Variants in PDCL2 observed in about 807,000 individuals in gnomAD.
PDCL2 encodes phosducin like 2, also known as phosducin-like protein 2.
Under a neutral mutation model 30.3 loss-of-function variants are expected in PDCL2, and 23 were observed. The ratio of observed to expected loss-of-function variants is 0.76; its 90% CI spans 0.55 to 1.08. The LOEUF (loss-of-function observed/expected upper bound fraction) is 1.08, where lower values mean the gene tolerates loss of function less well. Ranked by LOEUF, PDCL2 falls within the 50% of genes least tolerant of loss-of-function variation. The pLI is 0.00. For missense variants in PDCL2, 243 were observed against 282.3 expected (o/e 0.86, Z 1.00); for synonymous variants, 68 against 86.2 (o/e 0.79, Z 1.17).
chr4:55,589,395 CACT>C (rs1166333226), intron 1 of PDCL2, among the ~76,000 whole-genome samples: 1 of 152,154 alleles, frequency 6.6e-6, no homozygotes, highest in Non-Finnish European at 1.5e-5. Flanking sequence ...TATTTGAGAG[CACT>C]ACAATATATA....
intron 1 of PDCL2, among the ~76,000 whole-genome samples, chr4:55,585,907 G>A (rs1275859591): frequency 6.6e-6 from 1 of 152,010 alleles, no homozygotes; most frequent in Non-Finnish European, 1.5e-5. Context: ...TTTTGTTTCT[G>A]ATTTTATCTG....
intron 2 of PDCL2, 105 bp from the exon 3 acceptor site, chr4:55,581,016 C>T: frequency 1.4e-6 from 1 of 716,136 alleles, no homozygotes; most frequent in South Asian, 2.7e-5. Context: ...TCAACAGTAT[C>T]TTTAAACAGC....
chr4:55,592,217 CCGG>C lies in PDCL2; in HGVS notation c.-111_-109del. 6.6e-7 allele frequency: 1 copy of C among 1,515,226 alleles called. No individual in the cohort carries two copies. The highest frequency in any genetic ancestry group is 8.9e-7 in the Non-Finnish European group (1 of 1,119,966). 93.9% of individuals were successfully genotyped at this position (1,515,226 alleles called of 1,614,324 possible). A position where few individuals can be genotyped will look rare whatever the true frequency, so the allele number is the denominator to read the frequency against. Reference sequence around the variant, plus strand: ...GGCTGGAAGAGCGCCCGCTTCAGGCCCGGCGGTTTCGAGTGACCGCCAGAAGAG... The same window carrying C: ...GGCTGGAAGAGCGCCCGCTTCAGGCCCGGTTTCGAGTGACCGCCAGAAGAG... On this transcript the variant is annotated 5_prime_UTR_variant, in exon 1 of 6. Coordinates refer to ENST00000295645, the MANE Select transcript of PDCL2 (RefSeq NM_152401.3).
At chr4:55,564,122 C>T (rs1213116518) in intron 4 of PDCL2, among the ~76,000 whole-genome samples, 2 of 152,154 alleles carry the variant, frequency 1.3e-5, no homozygotes, top group African/African-American at 4.8e-5. Context: ...GTTTTGATTT[C>T]CTTCAAGGTG....
At chr4:55,582,960 T>C (rs923726271) in intron 1 of PDCL2, among the ~76,000 whole-genome samples, 2 of 152,042 alleles carry the variant, frequency 1.3e-5, no homozygotes, top group East Asian at 1.9e-4. Context: ...GGCTGCATAG[T>C]ATTCCCTTTT....
chr4:55,570,887 T>C (rs1732404306), intron 3 of PDCL2, among the ~76,000 whole-genome samples: 1 of 152,266 alleles, frequency 6.6e-6, no homozygotes, highest in Non-Finnish European at 1.5e-5. Flanking sequence ...GTATTAACCA[T>C]ATTTTCTTAT....
chr4:55,564,633 T>C (rs1219629047), intron 4 of PDCL2, among the ~76,000 whole-genome samples: 11 of 152,162 alleles, frequency 7.2e-5, no homozygotes, highest in African/African-American at 2.2e-4. Flanking sequence ...AGCTAAATCA[T>C]TGGGCTTACT....
At chr4:55,581,369 T>C (rs1029478191) in intron 2 of PDCL2, among the ~76,000 whole-genome samples, 11 of 152,028 alleles carry the variant, frequency 7.2e-5, no homozygotes, top group African/African-American at 2.7e-4. Context: ...ATAAATATTA[T>C]AGAAAGTATA....
chr4:55,558,893 C>T (rs1328384328), intron 5 of PDCL2, among the ~76,000 whole-genome samples: 2 of 152,100 alleles, frequency 1.3e-5, no homozygotes, highest in African/African-American at 4.8e-5. Context: ...CACATACCCA[C>T]TCTTATAAAT....
intron 5 of PDCL2, among the ~76,000 whole-genome samples, chr4:55,560,037 C>T (rs140772009): frequency 3.9e-4 from 60 of 152,068 alleles, no homozygotes; most frequent in East Asian, 2.5e-3. Flanking sequence ...AAACTTCTGG[C>T]GATGGATGAT....
At chr4:55,575,188 GT>G (rs1732532173) in intron 3 of PDCL2, among the ~76,000 whole-genome samples, 1 of 152,162 alleles carries the variant, frequency 6.6e-6, no homozygotes, top group Non-Finnish European at 1.5e-5. Flanking sequence ...TGGAGAATTG[GT>G]TGTGGGGGAC....
intron 5 of PDCL2, among the ~76,000 whole-genome samples, chr4:55,558,569 G>A (rs1217485490): frequency 3.3e-5 from 5 of 151,996 alleles, no homozygotes; most frequent in African/African-American, 4.8e-5. Context: ...TATTAGCAGC[G>A]TGAAAATAGA....
At chr4:55,564,248 T>G (rs527842077) in intron 4 of PDCL2, among the ~76,000 whole-genome samples, 1 of 152,116 alleles carries the variant, frequency 6.6e-6, no homozygotes, top group African/African-American at 2.4e-5. Flanking sequence ...GTCAGTAGTG[T>G]GAATGGCAGA....
intron 1 of PDCL2, among the ~76,000 whole-genome samples, chr4:55,584,990 C>A (rs540745451): frequency 6.6e-6 from 1 of 152,208 alleles, no homozygotes. Context: ...TGATTTTTGT[C>A]CATAATTCTG....
chr4:55,569,425 C>T (rs1200906174), intron 4 of PDCL2, among the ~76,000 whole-genome samples: 1 of 152,070 alleles, frequency 6.6e-6, no homozygotes, highest in Admixed American at 6.6e-5. Flanking sequence ...TCATTCCTTC[C>T]ACTTCTCTGT....
chr4:55,568,255 G>A lies in PDCL2; in HGVS notation c.362+1463C>T, dbSNP rs149799338. Among the ~76,000 whole-genome samples the A allele has an allele frequency of 9.7e-3, 1,481 of 152,314 alleles. 28 individuals carry two copies. Among genetic ancestry groups the A allele is most frequent in the African/African-American group, 0.034 (1,413 of 41,562 alleles). The stretch of plus-strand genomic sequence containing the variant: ...GCAGAGGGGTAGGGACCTAAAGCTA[G>A]AAGGACTGAACGAGAGAAACATTCA... On this transcript the variant is annotated intron_variant, in intron 4 of 5. Transcript: ENST00000295645.
intron 3 of PDCL2, among the ~76,000 whole-genome samples, chr4:55,579,630 A>G (rs988612768): frequency 4.6e-5 from 7 of 152,142 alleles, no homozygotes; most frequent in Non-Finnish European, 1.0e-4. Flanking sequence ...GAAAGATCTG[A>G]GTGCTATATG....
intron 5 of PDCL2, among the ~76,000 whole-genome samples, chr4:55,559,526 A>C (rs1425030209): frequency 6.6e-6 from 1 of 152,260 alleles, no homozygotes; most frequent in Non-Finnish European, 1.5e-5. Flanking sequence ...AAATACTTTC[A>C]ATTTTGCAAT....
intron 5 of PDCL2, among the ~76,000 whole-genome samples, chr4:55,559,741 G>C (rs1732075634): frequency 6.6e-6 from 1 of 152,204 alleles, no homozygotes; most frequent in South Asian, 2.1e-4. Flanking sequence ...TACCCAAAAG[G>C]TGAAAACAAC....
Sources: allele counts gnomAD v4.1 joint callset (sites outside exome capture counted in the v4.1 genomes callset), GRCh38; gene constraint gnomAD v4.1.1; transcripts MANE v1.5; gene names NCBI Gene and HGNC (gene_info 2026-07-23, HGNC 2026-07-21).